The following RERE variants were observed in gnomAD, a reference collection of about 807,000 sequenced individuals.
RERE encodes arginine-glutamic acid dipeptide repeats, also known as arginine-glutamic acid dipeptide repeats protein.
Under a neutral mutation model 146.1 loss-of-function variants are expected in RERE, and 40 were observed. The ratio of observed to expected loss-of-function variants is 0.27; its 90% CI spans 0.21 to 0.36. The LOEUF (loss-of-function observed/expected upper bound fraction) is 0.36, where lower values mean the gene tolerates loss of function less well. Among genes scored for constraint, RERE ranks in the 10% least tolerant of loss-of-function variants. The probability of loss-of-function intolerance (pLI) is 1.00; values close to 1 mark genes in which losing one functional copy is unlikely to be tolerated. For synonymous variants in RERE, 1,003 were observed against 866.0 expected (o/e 1.16, Z -2.78); for missense variants, 1,933 against 2,138.7 (o/e 0.90, Z 1.90).
At chr1:8,460,267 T>G (rs1644509597) in intron 11 of RERE, among the ~76,000 whole-genome samples, 1 of 152,072 alleles carries the variant, frequency 6.6e-6, no homozygotes, top group Non-Finnish European at 1.5e-5. Flanking sequence ...AAGCAGACAT[T>G]CCAAAAAGGG....
At chr1:8,407,941 C>G (rs1219192424) in intron 12 of RERE, among the ~76,000 whole-genome samples, 1 of 152,146 alleles carries the variant, frequency 6.6e-6, no homozygotes, top group Non-Finnish European at 1.5e-5. Flanking sequence ...AACAAAATCT[C>G]AAGACAAGTT....
chr1:8,768,905 C>T (rs966435780), intron 1 of RERE, among the ~76,000 whole-genome samples: 24 of 152,288 alleles, frequency 1.6e-4, no homozygotes, highest in Admixed American at 1.6e-3. Flanking sequence ...AGTTCATCAT[C>T]CTTAGGGGAA....
intron 1 of RERE, among the ~76,000 whole-genome samples, chr1:8,679,741 T>C (rs958992633): frequency 6.6e-6 from 1 of 152,260 alleles, no homozygotes; most frequent in African/African-American, 2.4e-5. Flanking sequence ...GTATTTATAA[T>C]ACAGGATGAT....
chr1:8,621,572 ATAGT>A, intron 3 of RERE, among the ~76,000 whole-genome samples: 1 of 152,350 alleles, frequency 6.6e-6, no homozygotes, highest in South Asian at 2.1e-4. Flanking sequence ...ATTCTCATTT[ATAGT>A]ATAAACAATG....
chr1:8,667,612 G>A (rs941591214), intron 1 of RERE, among the ~76,000 whole-genome samples: 1 of 152,206 alleles, frequency 6.6e-6, no homozygotes, highest in Non-Finnish European at 1.5e-5. Context: ...GAGAGGCAGA[G>A]GTTGCAGTGA....
chr1:8,665,869 A>T (rs1253559350), intron 1 of RERE, among the ~76,000 whole-genome samples: 1 of 152,194 alleles, frequency 6.6e-6, no homozygotes, highest in African/African-American at 2.4e-5. Context: ...ACAAATAACC[A>T]TGCAGGAAAA....
At chr1:8,569,772 G>C (rs1018621678) in intron 4 of RERE, among the ~76,000 whole-genome samples, 1 of 152,098 alleles carries the variant, frequency 6.6e-6, no homozygotes, top group African/African-American at 2.4e-5. Context: ...TGCTCTTGTA[G>C]TCCCAGTTAT....
intron 1 of RERE, among the ~76,000 whole-genome samples, chr1:8,787,346 AC>A (rs1278939863): frequency 6.6e-6 from 1 of 152,148 alleles, no homozygotes; most frequent in African/African-American, 2.4e-5. Flanking sequence ...CCATCCGTAC[AC>A]CCTGTCAGTG....
At position 8,390,845 on chromosome 1, in the gene RERE, G is replaced by A. The variant is rs570638916; in HGVS notation, c.1285-24871C>T. ...CCCTACCCAGTGGCTCTGTGCCAGC[G>A]GGGGGTCCTCCCTGACGCTGTCCTC... On this transcript the variant is annotated intron_variant, in intron 12 of 22. Coordinates refer to ENST00000400908, the MANE Select transcript of RERE (RefSeq NM_001042681.2). Among the ~76,000 whole-genome samples the A allele has an allele frequency of 2.4e-4, 36 of 149,096 alleles. No homozygotes were observed. In the South Asian group the frequency reaches 3.8e-3, roughly 16 times the overall value.
chr1:8,736,660 A>C (rs561037035), intron 1 of RERE, among the ~76,000 whole-genome samples: 3 of 152,282 alleles, frequency 2.0e-5, no homozygotes, highest in South Asian at 4.1e-4. Flanking sequence ...TCATAGAAGA[A>C]CAGAGGAGGC....
chr1:8,386,048 T>TC (rs1642671032), intron 12 of RERE, among the ~76,000 whole-genome samples: 2 of 86,290 alleles, frequency 2.3e-5, no homozygotes, highest in Admixed American at 2.1e-4. Context: ...TTTTTTTTTT[T>TC]CTTGGTTCAC....
intron 1 of RERE, among the ~76,000 whole-genome samples, chr1:8,714,381 T>G (rs891246890): frequency 6.6e-6 from 1 of 152,344 alleles, no homozygotes; most frequent in African/African-American, 2.4e-5. Flanking sequence ...CTCTGGCGTC[T>G]TTCCTGAAAA....
chr1:8,463,119 T>C (rs937211165), intron 11 of RERE, among the ~76,000 whole-genome samples: 2 of 152,184 alleles, frequency 1.3e-5, no homozygotes, highest in African/African-American at 2.4e-5. Context: ...GACTGCCTTG[T>C]TGCCACATAA....
At chr1:8,565,770 T>C (rs1646145995) in intron 4 of RERE, among the ~76,000 whole-genome samples, 1 of 152,188 alleles carries the variant, frequency 6.6e-6, no homozygotes, top group South Asian at 2.1e-4. Context: ...ATTATCCATA[T>C]AACTTTACAG....
intron 12 of RERE, among the ~76,000 whole-genome samples, chr1:8,415,047 T>C (rs952057424): frequency 2.6e-4 from 40 of 152,242 alleles, no homozygotes; most frequent in African/African-American, 8.9e-4. Flanking sequence ...TAATTTCAGA[T>C]ACATTTTGAA....
At chr1:8,681,379 C>A (rs12122666) in intron 1 of RERE, among the ~76,000 whole-genome samples, 24,906 of 152,144 alleles carry the variant, frequency 0.16, 2,440 homozygotes, top group Middle Eastern at 0.26. Context: ...GTTTTAGAAG[C>A]CACAGCATAC....
intron 1 of RERE, among the ~76,000 whole-genome samples, chr1:8,657,779 A>G (rs539631416): frequency 1.5e-4 from 22 of 151,694 alleles, no homozygotes; most frequent in African/African-American, 5.3e-4. Context: ...CCTAGGAGGC[A>G]GAGGTTACAG....
chr1:8,597,089 G>GA (rs945077735), intron 4 of RERE, among the ~76,000 whole-genome samples: 3 of 108,442 alleles, frequency 2.8e-5, no homozygotes, highest in Non-Finnish European at 5.9e-5. Context: ...TACTGATGCT[G>GA]ATTTTTTTTT....
At chr1:8,583,175 A>G (rs1159129141) in intron 4 of RERE, among the ~76,000 whole-genome samples, 1 of 152,212 alleles carries the variant, frequency 6.6e-6, no homozygotes, top group Non-Finnish European at 1.5e-5. Context: ...ACATACTAGA[A>G]GTACTAGAAG....
Sources: gnomAD v4.1 joint callset for allele counts (sites outside exome capture counted in the v4.1 genomes callset) on GRCh38, gnomAD v4.1.1 for gene constraint, MANE v1.5 for transcripts, NCBI Gene and HGNC (gene_info 2026-07-23, HGNC 2026-07-21) for gene names.